The following GRID2 variants were observed in gnomAD, a reference collection of about 807,000 sequenced individuals.
GRID2 encodes the protein glutamate ionotropic receptor delta type subunit 2, also known as glutamate receptor ionotropic, delta-2.
In GRID2, 33 loss-of-function variants were observed where a neutral mutation model predicts 114.8. That is an observed-to-expected ratio of 0.29 (90% CI 0.22 to 0.38). GRID2 has a LOEUF of 0.38. Ranked by LOEUF, GRID2 falls within the 10% of genes least tolerant of loss-of-function variation. The pLI, the probability that GRID2 is intolerant of heterozygous loss-of-function variation, is 1.00. For synonymous variants in GRID2, 505 were observed against 449.9 expected (o/e 1.12, Z -1.55); for missense variants, 1,184 against 1,257.7 (o/e 0.94, Z 0.89).
At chr4:92,325,454 T>C (rs1726543967) in intron 1 of GRID2, among the ~76,000 whole-genome samples, 1 of 151,922 alleles carries the variant, frequency 6.6e-6, no homozygotes, top group African/African-American at 2.4e-5. Context: ...AGACTTTATT[T>C]AAATAATTGT....
intron 1 of GRID2, among the ~76,000 whole-genome samples, chr4:92,344,353 G>C (rs554483822): frequency 6.6e-5 from 10 of 152,258 alleles, no homozygotes; most frequent in South Asian, 2.1e-4. Flanking sequence ...AAAGGGCTTA[G>C]AAATTCTTAA....
At chr4:92,716,637 G>A (rs1235964164) in intron 2 of GRID2, among the ~76,000 whole-genome samples, 2 of 152,068 alleles carry the variant, frequency 1.3e-5, no homozygotes, top group African/African-American at 2.4e-5. Context: ...TTTATGTACT[G>A]CTTCCCACAG....
At chr4:93,569,093 T>G (rs1382368851) in intron 13 of GRID2, among the ~76,000 whole-genome samples, 2 of 152,306 alleles carry the variant, frequency 1.3e-5, no homozygotes, top group Middle Eastern at 6.8e-3. Context: ...CTAGCTGGTA[T>G]GAGAGTATGA....
At chr4:93,616,388 A>G (rs1001171539) in intron 13 of GRID2, among the ~76,000 whole-genome samples, 7 of 151,512 alleles carry the variant, frequency 4.6e-5, no homozygotes, top group African/African-American at 1.7e-4. Flanking sequence ...TACCAAAAAT[A>G]ATACAAAAAT....
At chr4:92,600,454 G>A (rs1729171540) in intron 2 of GRID2, among the ~76,000 whole-genome samples, 1 of 152,006 alleles carries the variant, frequency 6.6e-6, no homozygotes, top group Admixed American at 6.6e-5. Flanking sequence ...ATATTTATTT[G>A]TTCAGTAAGC....
intron 1 of GRID2, among the ~76,000 whole-genome samples, chr4:92,315,025 C>G (rs772155388): frequency 1.1e-4 from 17 of 152,020 alleles, no homozygotes; most frequent in Non-Finnish European, 2.2e-4. Flanking sequence ...CATAGGTGGA[C>G]ATGAGGAAAG....
chr4:93,664,928 T>C (rs1723821436), intron 14 of GRID2, among the ~76,000 whole-genome samples: 2 of 152,132 alleles, frequency 1.3e-5, no homozygotes, highest in Admixed American at 1.3e-4. Flanking sequence ...AAATCAAGTA[T>C]TAAGTAAGTG....
Position 93,668,757 on chromosome 4 carries a change from G to T in GRID2, c.2360+42322G>T, listed in dbSNP as rs535672130. On this transcript the variant is annotated intron_variant, in intron 14 of 15. Coordinates refer to ENST00000282020, the MANE Select transcript of GRID2 (RefSeq NM_001510.4). Reference sequence around the variant, plus strand: ...GGCTCAGCATCAATGGATAATGGAAGAATTTAAAGCAGAGAGTTTTGAAGT... The same window carrying T: ...GGCTCAGCATCAATGGATAATGGAATAATTTAAAGCAGAGAGTTTTGAAGT... Among the ~76,000 whole-genome samples, 48 of 152,112 alleles carry T rather than the reference G, an allele frequency of 3.2e-4. No individual in the cohort carries two copies. The East Asian group carries it at 8.9e-3, about 28-fold the overall frequency.
At chr4:93,726,298 T>C (rs1398185136) in intron 14 of GRID2, among the ~76,000 whole-genome samples, 2 of 152,218 alleles carry the variant, frequency 1.3e-5, no homozygotes, top group African/African-American at 4.8e-5. Flanking sequence ...TAGTTGTAGA[T>C]ATGCGGCATT....
Position 93,497,644 on chromosome 4 carries a change from C to CA in GRID2, c.1997+6878dup, listed in dbSNP as rs552978382. ...CATTGAATTGTTTTGCACCTTTGTA[C>CA]AAAAAAAAAAATCTGTTGGCCATAC... On this transcript the variant is annotated intron_variant, in intron 12 of 15. Coordinates refer to ENST00000282020, the MANE Select transcript of GRID2 (RefSeq NM_001510.4). 7.3e-3 allele frequency among the ~76,000 whole-genome samples: 1,053 copies of CA among 144,376 alleles called. 6 individuals carry two copies. Among genetic ancestry groups the CA allele is most frequent in the Non-Finnish European group, 8.9e-3 (581 of 65,420 alleles). 94.7% of individuals were successfully genotyped at this position (144,376 alleles called of 152,430 possible). A position where few individuals can be genotyped will look rare whatever the true frequency, so the allele number is the denominator to read the frequency against.
chr4:92,907,899 T>TA (rs1748078877), intron 2 of GRID2, among the ~76,000 whole-genome samples: 2 of 151,988 alleles, frequency 1.3e-5, no homozygotes, highest in Admixed American at 1.3e-4. Flanking sequence ...AGGGTGCGCT[T>TA]ACAATCCCAG....
At chr4:92,898,574 G>A (rs751957948) in intron 2 of GRID2, among the ~76,000 whole-genome samples, 3 of 152,126 alleles carry the variant, frequency 2.0e-5, no homozygotes, top group Admixed American at 1.3e-4. Context: ...TGCATCAGGG[G>A]AAAAGGGTCT....
At chr4:93,563,992 G>A (rs1268927019) in intron 13 of GRID2, among the ~76,000 whole-genome samples, 2 of 151,816 alleles carry the variant, frequency 1.3e-5, no homozygotes, top group Non-Finnish European at 2.9e-5. Flanking sequence ...AATATTAATT[G>A]AGGAAAATTT....
At chr4:93,003,597 C>T (rs1402520380) in intron 2 of GRID2, among the ~76,000 whole-genome samples, 2 of 151,966 alleles carry the variant, frequency 1.3e-5, no homozygotes, top group Non-Finnish European at 2.9e-5. Flanking sequence ...CTTTGACTTG[C>T]TCTTCAATCC....
At chr4:92,440,182 C>T (rs1732966517) in intron 1 of GRID2, among the ~76,000 whole-genome samples, 1 of 146,058 alleles carries the variant, frequency 6.8e-6, no homozygotes, top group African/African-American at 2.4e-5. Context: ...TTTTAAAAGA[C>T]CTTTAGTCCG....
chr4:92,865,737 G>T (rs1254131975), intron 2 of GRID2, among the ~76,000 whole-genome samples: 1 of 152,164 alleles, frequency 6.6e-6, no homozygotes, highest in African/African-American at 2.4e-5. Context: ...ATGAATATTT[G>T]TGCCACTGAA....
intron 1 of GRID2, among the ~76,000 whole-genome samples, chr4:92,454,777 A>G (rs1380400266): frequency 6.6e-6 from 1 of 152,192 alleles, no homozygotes; most frequent in African/African-American, 2.4e-5. Context: ...CAGAGCTTGC[A>G]TTGAGCCGAG....
At chr4:93,035,738 C>T (rs1266615997) in intron 2 of GRID2, among the ~76,000 whole-genome samples, 1 of 152,138 alleles carries the variant, frequency 6.6e-6, no homozygotes, top group Non-Finnish European at 1.5e-5. Context: ...ATATGGACCT[C>T]TTTACAGGGC....
chr4:92,310,859 T>G (rs1725668168), intron 1 of GRID2, among the ~76,000 whole-genome samples: 1 of 152,024 alleles, frequency 6.6e-6, no homozygotes, highest in Non-Finnish European at 1.5e-5. Flanking sequence ...ATTTAATAGC[T>G]GCCTTAGAGT....
Sources: gnomAD v4.1 joint callset for allele counts (sites outside exome capture counted in the v4.1 genomes callset) on GRCh38, gnomAD v4.1.1 for gene constraint, MANE v1.5 for transcripts, NCBI Gene and HGNC (gene_info 2026-07-23, HGNC 2026-07-21) for gene names.